Variants in TBC1D22A observed in about 807,000 individuals in gnomAD.
TBC1D22A encodes the protein TBC1 domain family member 22A.
In TBC1D22A, 38 loss-of-function variants were observed where a neutral mutation model predicts 60.2. The observed-to-expected ratio is 0.63, with a 90% CI of 0.49 to 0.83. TBC1D22A has a LOEUF of 0.83. TBC1D22A is among the 40% of genes least tolerant of loss of function. The probability of loss-of-function intolerance (pLI) is 0.00; values close to 1 mark genes in which losing one functional copy is unlikely to be tolerated. For missense variants in TBC1D22A, 628 were observed against 701.0 expected (o/e 0.90, Z 1.18); for synonymous variants, 302 against 281.7 (o/e 1.07, Z -0.72).
chr22:46,797,313 A>G (rs2084696442), intron 3 of TBC1D22A, 131 bp from the exon 4 acceptor site: 1 of 961,768 alleles, frequency 1.0e-6, no homozygotes, highest in Non-Finnish European at 1.6e-6. Context: ...TCAAGAAACC[A>G]AGGTCCCCAC....
chr22:46,827,842 C>CTTGTCTTA (rs1300727625), intron 4 of TBC1D22A, among the ~76,000 whole-genome samples: 1 of 152,200 alleles, frequency 6.6e-6, no homozygotes, highest in African/African-American at 2.4e-5. Context: ...TCTGGAGGTG[C>CTTGTCTTA]TTGTCTTATC....
At chr22:47,064,975 T>G (rs1186645232) in intron 11 of TBC1D22A, among the ~76,000 whole-genome samples, 1 of 151,962 alleles carries the variant, frequency 6.6e-6, no homozygotes, top group Admixed American at 6.5e-5. Context: ...TGTTTATTAT[T>G]TATTTTATTT....
At chr22:47,019,501 G>T (rs2062009747) in intron 10 of TBC1D22A, among the ~76,000 whole-genome samples, 1 of 152,222 alleles carries the variant, frequency 6.6e-6, no homozygotes, top group Non-Finnish European at 1.5e-5. Context: ...CTGTGCAGAG[G>T]TTGGGACATC....
intron 4 of TBC1D22A, among the ~76,000 whole-genome samples, chr22:46,838,743 A>G (rs554543405): frequency 1.2e-4 from 19 of 152,228 alleles, no homozygotes; most frequent in Non-Finnish European, 2.2e-4. Context: ...CTGGGATGCA[A>G]GGATGGTTCT....
intron 4 of TBC1D22A, among the ~76,000 whole-genome samples, chr22:46,820,603 A>G (rs553818502): frequency 3.3e-5 from 5 of 151,906 alleles, no homozygotes; most frequent in South Asian, 4.1e-4. Context: ...AGAGACTGCT[A>G]TGATTTCAGT....
At chr22:46,961,829 C>T (rs542075576) in intron 8 of TBC1D22A, among the ~76,000 whole-genome samples, 46 of 152,272 alleles carry the variant, frequency 3.0e-4, no homozygotes, top group African/African-American at 9.6e-4. Context: ...GCGTCACCAG[C>T]GTCAGAGAGG....
intron 1 of TBC1D22A, among the ~76,000 whole-genome samples, chr22:46,792,007 C>T (rs531193547): frequency 1.4e-4 from 22 of 152,358 alleles, no homozygotes; most frequent in South Asian, 4.1e-4. Context: ...GTGATCCGCC[C>T]GCCTTGGCCT....
At chr22:46,793,869 C>A (rs1232480367) in intron 3 of TBC1D22A, 28 bp downstream of exon 3, 4 of 1,505,470 alleles carry the variant, frequency 2.7e-6, no homozygotes, top group Non-Finnish European at 3.5e-6. Context: ...AAGAGATGGT[C>A]TGGGTTTCTG....
At chr22:46,922,347 A>G (rs1213124018) in intron 8 of TBC1D22A, among the ~76,000 whole-genome samples, 1 of 152,228 alleles carries the variant, frequency 6.6e-6, no homozygotes, top group African/African-American at 2.4e-5. Context: ...ATTCATAAGC[A>G]TGAATATTGT....
At chr22:46,762,885 G>A (rs1400612840) in intron 1 of TBC1D22A, 37 bp downstream of exon 1, 1 of 1,469,906 alleles carries the variant, frequency 6.8e-7, no homozygotes, top group Non-Finnish European at 9.0e-7. Context: ...GGGGTCAGGG[G>A]TCAGAGGTCA....
intron 10 of TBC1D22A, among the ~76,000 whole-genome samples, chr22:47,001,223 C>T (rs2061396389): frequency 1.3e-5 from 2 of 151,730 alleles, no homozygotes; most frequent in South Asian, 2.1e-4. Context: ...TGGAGTTCCC[C>T]AGAATGCTAG....
intron 12 of TBC1D22A, among the ~76,000 whole-genome samples, chr22:47,131,942 A>T (rs1475578180): frequency 6.6e-6 from 1 of 151,840 alleles, no homozygotes; most frequent in African/African-American, 2.4e-5. Flanking sequence ...CACCTCCCAA[A>T]CTCTCTGTGC....
In TBC1D22A at chr22:46,808,602, T is replaced by C. The variant is rs141249663; in HGVS notation, c.637+10982T>C. On this transcript the variant is annotated intron_variant, in intron 4 of 12. Coordinates refer to ENST00000337137, the MANE Select transcript of TBC1D22A (RefSeq NM_014346.5). Reference sequence around the variant, plus strand: ...GCTTTGACTTTGGTGTTTAGCCAGCTTTTTTTTTTTGGGAGACAGTCTTGT... The same window carrying C: ...GCTTTGACTTTGGTGTTTAGCCAGCCTTTTTTTTTTGGGAGACAGTCTTGT... Among the ~76,000 whole-genome samples the C allele has an allele frequency of 6.0e-3, 872 of 144,934 alleles. 4 individuals are homozygous for C. Among genetic ancestry groups the C allele is most frequent in the Middle Eastern group, 0.032 (9 of 282 alleles).
At chr22:47,165,513 GGGCTCTGGAGCAGGCATGTCGCCTGCCT>G (rs1380785729) in intron 12 of TBC1D22A, among the ~76,000 whole-genome samples, 1 of 152,126 alleles carries the variant, frequency 6.6e-6, no homozygotes, top group Non-Finnish European at 1.5e-5. Context: ...CTAGCCTGCT[GGGCTCTGGAGCAGGCATGTCGCCTGCCT>G]GGCTCTAGAG....
intron 8 of TBC1D22A, chr22:46,914,853 CTTAA>C (rs1402221806): frequency 6.4e-6 from 1 of 156,342 alleles, no homozygotes; most frequent in Admixed American, 6.1e-5. Context: ...AATTTAAAGT[CTTAA>C]TTAAAGTAAT....
Position 46,984,366 on chromosome 22 carries a change from C to CAAAAAAAAAAAAAAAAAAAAAAAAAAA in TBC1D22A, c.1125+9981_1125+10007dup, listed in dbSNP as rs136119. On this transcript the variant is annotated intron_variant, in intron 9 of 12. Coordinates refer to ENST00000337137, the MANE Select transcript of TBC1D22A (RefSeq NM_014346.5). ...GGGGCGACAGAACCAGACTCCATCT[C>CAAAAAAAAAAAAAAAAAAAAAAAAAAA]AAAAAAAAAAAAAAAAAAAAAAAAA... 2.2e-4 allele frequency among the ~76,000 whole-genome samples: 6 copies of CAAAAAAAAAAAAAAAAAAAAAAAAAAA among 27,762 alleles called. 1 individual carries two copies. The highest frequency in any genetic ancestry group is 4.4e-4 in the Non-Finnish European group (6 of 13,738). 18.2% of individuals were successfully genotyped at this position (27,762 alleles called of 152,430 possible).
At chr22:46,949,594 C>G (rs2072771709) in intron 8 of TBC1D22A, among the ~76,000 whole-genome samples, 1 of 152,220 alleles carries the variant, frequency 6.6e-6, no homozygotes, top group Non-Finnish European at 1.5e-5. Flanking sequence ...ATGGAAGCGT[C>G]TGAATGGATC....
intron 4 of TBC1D22A, among the ~76,000 whole-genome samples, chr22:46,837,534 A>C (rs1468172668): frequency 6.6e-6 from 1 of 152,232 alleles, no homozygotes; most frequent in Non-Finnish European, 1.5e-5. Flanking sequence ...GGATTGAAAT[A>C]ATATCAAGAA....
Position 47,120,418 on chromosome 22 carries a change from GCACA to G in TBC1D22A, c.1425+8823_1425+8826del, listed in dbSNP as rs1387505508. Among the ~76,000 whole-genome samples, 4 of 152,092 alleles carry G rather than the reference GCACA, an allele frequency of 2.6e-5. No homozygotes were observed. In the South Asian group the frequency reaches 6.2e-4, roughly 24 times the overall value. ...TGTCCTCTCCCCATACAGTCTGCAT[GCACA>G]CACACACGCACACACAACATGGATA... On this transcript the variant is annotated intron_variant, in intron 12 of 12. Transcript: ENST00000337137.
Sources: gnomAD v4.1 joint callset for allele counts (sites outside exome capture counted in the v4.1 genomes callset) on GRCh38, gnomAD v4.1.1 for gene constraint, MANE v1.5 for transcripts, NCBI Gene and HGNC (gene_info 2026-07-23, HGNC 2026-07-21) for gene names.